Variants in GSK3B observed in about 807,000 individuals in gnomAD.
GSK3B encodes glycogen synthase kinase-3 beta.
In GSK3B, 15 loss-of-function variants were observed where a neutral mutation model predicts 56.4. The ratio of observed to expected loss-of-function variants is 0.27; its 90% CI spans 0.18 to 0.41. The LOEUF is 0.41. Among genes scored for constraint, GSK3B ranks in the 10% least tolerant of loss-of-function variants. GSK3B has a pLI of 1.00. For missense variants in GSK3B, 300 were observed against 513.4 expected (o/e 0.58, Z 4.02); for synonymous variants, 181 against 188.9 (o/e 0.96, Z 0.34).
chr3:119,940,292 T>G (rs1010618855), intron 3 of GSK3B, among the ~76,000 whole-genome samples: 7 of 152,004 alleles, frequency 4.6e-5, no homozygotes, highest in Admixed American at 4.6e-4. Context: ...GCCAGACACA[T>G]GAACAGCAGA....
intron 1 of GSK3B, among the ~76,000 whole-genome samples, chr3:120,007,711 TCAA>T (rs1342811332): frequency 3.3e-5 from 5 of 152,152 alleles, no homozygotes; most frequent in Admixed American, 2.6e-4. Flanking sequence ...TCAACAAAAT[TCAA>T]CAGCCTTTCA....
rs2056874994 is a variant in GSK3B at position 119,924,809 on chromosome 3, A to G, written c.367-1326T>C. Among the ~76,000 whole-genome samples, 3 of 152,202 alleles carry G rather than the reference A, an allele frequency of 2.0e-5. No homozygotes were observed. The South Asian group carries it at 6.2e-4, about 32-fold the overall frequency. ...CAGAGCTATGCCTATTCAGTTAAGT[A>G]TTGTCTATGGCTGCTTTTGGACTAC... is the stretch of plus-strand genomic sequence containing the variant. On this transcript the variant is annotated intron_variant, in intron 3 of 10. Coordinates refer to ENST00000264235, the MANE Select transcript of GSK3B (RefSeq NM_001146156.2).
chr3:119,922,654 T>C (rs1239630448), intron 4 of GSK3B, among the ~76,000 whole-genome samples: 2 of 151,656 alleles, frequency 1.3e-5, no homozygotes, highest in Non-Finnish European at 2.9e-5. Context: ...ACTCTAACCA[T>C]AAGACATTCA....
chr3:119,900,654 A>T (rs1051126977), intron 7 of GSK3B, among the ~76,000 whole-genome samples: 8 of 152,260 alleles, frequency 5.3e-5, no homozygotes, highest in African/African-American at 1.9e-4. Flanking sequence ...AACTTACGAA[A>T]ACCAATACAT....
Position 119,992,487 on chromosome 3 carries a change from C to T in GSK3B, c.282+9559G>A, listed in dbSNP as rs73854760. On this transcript the variant is annotated intron_variant, in intron 2 of 10. Coordinates refer to ENST00000264235, the MANE Select transcript of GSK3B (RefSeq NM_001146156.2). The stretch of plus-strand genomic sequence containing the variant: ...TCCAAATGGATCAGGGATCTAAATG[C>T]AAAAACTGAACCCTGATAACTACTA... Among the ~76,000 whole-genome samples the T allele has an allele frequency of 4.9e-3, 747 of 152,086 alleles. 3 individuals are homozygous for T. Among genetic ancestry groups the T allele is most frequent in the African/African-American group, 0.017 (702 of 41,516 alleles).
intron 2 of GSK3B, among the ~76,000 whole-genome samples, chr3:119,991,160 C>A (rs936204240): frequency 6.6e-6 from 1 of 152,128 alleles, no homozygotes; most frequent in African/African-American, 2.4e-5. Flanking sequence ...AACAGTCAGC[C>A]TCAACAAACC....
Position 120,002,212 on chromosome 3 carries a change from G to A in GSK3B, c.116C>T (p.Thr39Ile), listed in dbSNP as rs2057684120. 1.9e-6 allele frequency: 3 copies of A among 1,573,544 alleles called. No homozygotes were observed. The highest frequency in any genetic ancestry group is 1.4e-5 in the African/African-American group (1 of 72,604). Residue 39 changes from threonine to isoleucine, a missense_variant, in exon 2 of 11, where the codon ACA becomes ATA. Transcript: ENST00000264235. ...SRDKDGSKVTTVVATPGQGPD... is the reference protein window; with the variant it reads ...SRDKDGSKVTIVVATPGQGPD... The stretch of plus-strand genomic sequence containing the variant: ...ACCCTGCCCAGGAGTTGCCACCACT[G>A]TTGTCACCTTGCTGCCGTCCTTGTC...
chr3:119,932,472 TAAAAC>T (rs1196851313), intron 3 of GSK3B, among the ~76,000 whole-genome samples: 4 of 150,534 alleles, frequency 2.7e-5, no homozygotes, highest in African/African-American at 9.7e-5. Flanking sequence ...TCTCACACCT[TAAAAC>T]AAAATAAACA....
chr3:120,014,831 G>T (rs1311718829), intron 1 of GSK3B, among the ~76,000 whole-genome samples: 1 of 152,138 alleles, frequency 6.6e-6, no homozygotes, highest in Admixed American at 6.6e-5. Flanking sequence ...ATGTTTACTT[G>T]TTTATCACTT....
At chr3:119,928,646 G>T in intron 3 of GSK3B, among the ~76,000 whole-genome samples, 1 of 146,828 alleles carries the variant, frequency 6.8e-6, no homozygotes. Context: ...GAGGGAAAAG[G>T]GATAAGAAGC....
intron 1 of GSK3B, among the ~76,000 whole-genome samples, chr3:120,042,879 T>C (rs371943117): frequency 1.3e-5 from 2 of 152,322 alleles, no homozygotes; most frequent in East Asian, 1.9e-4. Flanking sequence ...GTCTTCCAAT[T>C]GCCCTGATGA....
intron 7 of GSK3B, among the ~76,000 whole-genome samples, chr3:119,877,225 T>A (rs2056324556): frequency 6.6e-6 from 1 of 152,114 alleles, no homozygotes; most frequent in Admixed American, 6.6e-5. Flanking sequence ...CTGAGAGTAT[T>A]TTTTCTTCAC....
intron 4 of GSK3B, among the ~76,000 whole-genome samples, chr3:119,916,977 G>C (rs747033059): frequency 2.0e-5 from 3 of 152,110 alleles, no homozygotes; most frequent in African/African-American, 7.2e-5. Flanking sequence ...TGGACGAAGA[G>C]AGTATAATTT....
intron 1 of GSK3B, among the ~76,000 whole-genome samples, chr3:120,054,804 A>G (rs2058179808): frequency 6.6e-6 from 1 of 152,136 alleles, no homozygotes; most frequent in African/African-American, 2.4e-5. Context: ...CCACAATTGA[A>G]CTCATCTTGG....
At chr3:119,900,019 C>T (rs1328325156) in intron 7 of GSK3B, among the ~76,000 whole-genome samples, 1 of 151,860 alleles carries the variant, frequency 6.6e-6, no homozygotes, top group Non-Finnish European at 1.5e-5. Flanking sequence ...TAGCTCTTCC[C>T]TGTGTAAAAG....
At chr3:119,852,571 C>T (rs2055951373) in intron 9 of GSK3B, among the ~76,000 whole-genome samples, 1 of 152,070 alleles carries the variant, frequency 6.6e-6, no homozygotes, top group Non-Finnish European at 1.5e-5. Flanking sequence ...TGGTCTCGAA[C>T]TCTTTACCTC....
intron 1 of GSK3B, among the ~76,000 whole-genome samples, chr3:120,009,473 C>CA (rs1352551608): frequency 6.6e-6 from 1 of 152,078 alleles, no homozygotes; most frequent in Non-Finnish European, 1.5e-5. Context: ...GAAAATTTGG[C>CA]ACATATACAT....
At chr3:119,916,256 T>G in intron 4 of GSK3B, 82 bp from the exon 5 acceptor site, 1 of 1,220,904 alleles carries the variant, frequency 8.2e-7, no homozygotes, top group South Asian at 1.4e-5. Flanking sequence ...AAGTAACAGA[T>G]TCTCAGAAAA....
chr3:119,996,843 G>A (rs947758628), intron 2 of GSK3B, among the ~76,000 whole-genome samples: 3 of 151,886 alleles, frequency 2.0e-5, no homozygotes, highest in Non-Finnish European at 4.4e-5. Flanking sequence ...AAGCTATATA[G>A]CAAGTCTGAC....
Sources: allele counts gnomAD v4.1 joint callset (sites outside exome capture counted in the v4.1 genomes callset), GRCh38; gene constraint gnomAD v4.1.1; transcripts MANE v1.5; gene names NCBI Gene and HGNC (gene_info 2026-07-23, HGNC 2026-07-21).